Variants in SQLE observed in about 807,000 individuals in gnomAD.
The protein encoded by SQLE is squalene epoxidase.
Under a neutral mutation model 60.7 loss-of-function variants are expected in SQLE, and 29 were observed. The observed-to-expected ratio is 0.48, with a 90% confidence interval of 0.36 to 0.65. The LOEUF is 0.65. Ranked by LOEUF, SQLE falls within the 30% of genes least tolerant of loss-of-function variation. The pLI, the probability that SQLE is intolerant of heterozygous loss-of-function variation, is 0.00. For missense variants in SQLE, 605 were observed against 684.1 expected (o/e 0.88, Z 1.29); for synonymous variants, 237 against 246.8 (o/e 0.96, Z 0.37).
chr8:125,019,243 A>T (rs1281486896), intron 9 of SQLE: 1 of 153,906 alleles, frequency 6.5e-6, no homozygotes, highest in Non-Finnish European at 1.4e-5. Context: ...GGTCACGGTC[A>T]ATGTATATAT....
Position 125,008,979 on chromosome 8 carries a change from T to C in SQLE, c.831T>C (p.His277=). Residue 277 remains histidine, a synonymous_variant, in exon 5 of 11, where the codon CAT becomes CAC. Transcript: ENST00000265896. Reference sequence around the variant, plus strand: ...CTTCATTTCTGTTATAGGAACTCCATGCTCCACTGACTGTTGTTGCAGATG... The same window carrying C: ...CTTCATTTCTGTTATAGGAACTCCACGCTCCACTGACTGTTGTTGCAGATG... ...DKETGDIKEL[H]APLTVVADGL... 1 of 1,571,098 alleles carries C rather than the reference T, an allele frequency of 6.4e-7. No homozygotes were observed. Among genetic ancestry groups the C allele is most frequent in the Non-Finnish European group, 8.6e-7 (1 of 1,163,882 alleles).
In SQLE at chr8:125,016,249, T is replaced by C. The variant is rs1815110250; in HGVS notation, c.1205-1810T>C. On this transcript the variant is annotated intron_variant, in intron 7 of 10. Transcript: ENST00000265896. The surrounding 1 kb of genome is among the most constrained non-coding windows in gnomAD (Gnocchi z 4.1). ...AGGCCAAGAACTTAGATTTGCTCTT[T>C]TGAAATTATTTTCTAGATCTTGTAG... Among the ~76,000 whole-genome samples, 1 of 152,186 alleles carries C rather than the reference T, an allele frequency of 6.6e-6. No homozygotes were observed. Among genetic ancestry groups the C allele is most frequent in the Non-Finnish European group, 1.5e-5 (1 of 68,048 alleles).
chr8:125,010,540 A>G (rs1815022664), intron 6 of SQLE, among the ~76,000 whole-genome samples: 1 of 152,172 alleles, frequency 6.6e-6, no homozygotes, highest in African/African-American at 2.4e-5. Flanking sequence ...AACTAAGTGA[A>G]ACCACTTTAG....
rs1163188541 is a variant in SQLE at position 125,016,573 on chromosome 8, A to G, written c.1205-1486A>G. ...TATTTTGAATTCTCTGAAAGCTCAC[A>G]TCTCTGTTACTCTGGGATTGGTCAC... On this transcript the variant is annotated intron_variant, in intron 7 of 10. Transcript: ENST00000265896. This position sits in a 1 kb window ranked among gnomAD's most constrained non-coding sequence, Gnocchi z 4.1. 6.6e-6 allele frequency among the ~76,000 whole-genome samples: 1 copy of G among 152,132 alleles called. No homozygotes were observed. The highest frequency in any genetic ancestry group is 1.5e-5 in the Non-Finnish European group (1 of 68,024).
chr8:124,999,263 C>A lies in SQLE; in HGVS notation c.-141C>A. On this transcript the variant is annotated 5_prime_UTR_variant, in exon 1 of 11. Transcript: ENST00000265896. ...ATTTTTAAAAACTGGTCTGATCGGACTTCTCGTCCTGGGACACTGTTTACT... is the reference window on the plus strand; with the variant it reads ...ATTTTTAAAAACTGGTCTGATCGGAATTCTCGTCCTGGGACACTGTTTACT... 1 of 749,182 alleles carries A rather than the reference C, an allele frequency of 1.3e-6. No homozygotes were observed. Among genetic ancestry groups the A allele is most frequent in the Non-Finnish European group, 1.9e-6 (1 of 533,658 alleles). 46.4% of individuals were successfully genotyped at this position (749,182 alleles called of 1,614,324 possible).
At chr8:125,020,996 T>C (rs984589864) in intron 10 of SQLE, 125 bp downstream of exon 10, 6 of 673,910 alleles carry the variant, frequency 8.9e-6, no homozygotes, top group Non-Finnish European at 1.6e-5. Context: ...AGTATCCCAA[T>C]GAGAAGGTGG....
chr8:125,009,188 A>C lies in SQLE; in HGVS notation c.953A>C (p.Lys318Thr). The C allele has an allele frequency of 6.2e-7, 1 of 1,608,874 alleles. No individual in the cohort carries two copies. The highest frequency in any genetic ancestry group is 8.5e-7 in the Non-Finnish European group (1 of 1,178,216). The stretch of plus-strand genomic sequence containing the variant: ...TTGTTTTAGAATGCACCACAGTTTA[A>C]AGCAAATCATGCTGAACTTATTTTA... ...GFLMKNAPQF[K>T]ANHAELILAN... The change falls in exon 6 of 11, where the codon AAA (lysine) becomes ACA (threonine). Residue 318 changes from lysine (K) to threonine (T), a missense_variant. Coordinates refer to ENST00000265896, the MANE Select transcript of SQLE (RefSeq NM_003129.4).
At chr8:125,015,403 G>GT (rs1225046257) in intron 7 of SQLE, among the ~76,000 whole-genome samples, 3 of 152,132 alleles carry the variant, frequency 2.0e-5, no homozygotes, top group African/African-American at 4.8e-5. Context: ...GTTATTATTG[G>GT]TAAGTGCGTA....
chr8:125,015,804 C>T (rs925869555), intron 7 of SQLE, among the ~76,000 whole-genome samples: 3 of 152,128 alleles, frequency 2.0e-5, no homozygotes, highest in East Asian at 1.9e-4. Context: ...TGAAGTCCCT[C>T]GGCTTTTGTT....
intron 4 of SQLE, 56 bp downstream of exon 4, chr8:125,007,543 C>T: frequency 8.3e-7 from 1 of 1,209,142 alleles, no homozygotes; most frequent in South Asian, 1.5e-5. Flanking sequence ...CCTGCTTTTT[C>T]ACTTACCCCT....
intron 7 of SQLE, among the ~76,000 whole-genome samples, chr8:125,017,579 A>G (rs2129907533): frequency 6.6e-6 from 1 of 152,184 alleles, no homozygotes; most frequent in Admixed American, 6.5e-5. Flanking sequence ...ACCTAGAATC[A>G]GGGACCCCAG....
At position 124,999,105 on chromosome 8, in the gene SQLE, AAG is replaced by A. The variant is rs1814797961; in HGVS notation, c.-298_-297del. On this transcript the variant is annotated 5_prime_UTR_variant, in exon 1 of 11. Coordinates refer to ENST00000265896, the MANE Select transcript of SQLE (RefSeq NM_003129.4). The stretch of plus-strand genomic sequence containing the variant: ...AGGGAACACCATCAAAAAAGAAAAA[AAG>A]GGAATATCTGGATTTCCTGGGCGAG... The A allele has an allele frequency of 2.9e-6, 1 of 340,782 alleles. No homozygotes were observed. Among genetic ancestry groups the A allele is most frequent in the African/African-American group, 2.1e-5 (1 of 47,624 alleles). 21.1% of individuals were successfully genotyped at this position (340,782 alleles called of 1,614,324 possible). A position where few individuals can be genotyped will look rare whatever the true frequency, so the allele number is the denominator to read the frequency against.
At chr8:125,021,644 TA>T (rs961508369) in intron 10 of SQLE, 108 bp from the exon 11 acceptor site, 60 of 747,074 alleles carry the variant, frequency 8.0e-5, no homozygotes, top group South Asian at 1.2e-4. Flanking sequence ...GATGCTTGGG[TA>T]AAAAAAAGTA....
At position 125,016,384 on chromosome 8, in the gene SQLE, T is replaced by C. The variant is rs1372395308; in HGVS notation, c.1205-1675T>C. On this transcript the variant is annotated intron_variant, in intron 7 of 10. Transcript: ENST00000265896. This position sits in a 1 kb window ranked among gnomAD's most constrained non-coding sequence, Gnocchi z 4.1. Reference sequence around the variant, plus strand: ...TCTTCTGCTTGATCAGTTCTACTGTTGAGATTCTGCCATGTTCTTCAGTAA... The same window carrying C: ...TCTTCTGCTTGATCAGTTCTACTGTCGAGATTCTGCCATGTTCTTCAGTAA... Among the ~76,000 whole-genome samples the C allele has an allele frequency of 1.3e-5, 2 of 152,074 alleles. No homozygotes were observed. Among genetic ancestry groups the C allele is most frequent in the Non-Finnish European group, 2.9e-5 (2 of 68,010 alleles).
At chr8:125,001,578 T>C (rs1482648035) in intron 1 of SQLE, among the ~76,000 whole-genome samples, 1 of 151,468 alleles carries the variant, frequency 6.6e-6, no homozygotes, top group South Asian at 2.1e-4. Context: ...AATTTAAATA[T>C]AGTCAGTTCT....
At chr8:125,001,507 C>T (rs1326589235) in intron 1 of SQLE, among the ~76,000 whole-genome samples, 2 of 146,216 alleles carry the variant, frequency 1.4e-5, no homozygotes, top group Admixed American at 6.8e-5. Flanking sequence ...ACAGGAAAAA[C>T]TTATGAAGAA....
intron 2 of SQLE, among the ~76,000 whole-genome samples, chr8:125,003,977 G>A (rs1189394417): frequency 2.0e-5 from 3 of 152,036 alleles, no homozygotes; most frequent in Non-Finnish European, 2.9e-5. Context: ...TAATCCTATC[G>A]TGAGAGTCTA....
chr8:125,018,808 G>A lies in SQLE; in HGVS notation c.1444+81G>A, dbSNP rs1815152437. The A allele has an allele frequency of 1.3e-5, 12 of 952,646 alleles. No individual in the cohort carries two copies. In the South Asian group the frequency reaches 2.0e-4, roughly 16 times the overall value. The allele number at this position is 952,646 out of a possible 1,614,324, so 59.0% of individuals were successfully genotyped here. On this transcript the variant is annotated intron_variant, in intron 9 of 10. Coordinates refer to ENST00000265896, the MANE Select transcript of SQLE (RefSeq NM_003129.4). ...AAAGGAATAAACAAGTTAGTGATTT[G>A]TCCAGAAATAAAAATGTTACCTGAG...
intron 7 of SQLE, among the ~76,000 whole-genome samples, chr8:125,012,309 T>TACAGTG (rs1286871043): frequency 1.3e-5 from 2 of 152,224 alleles, no homozygotes; most frequent in African/African-American, 4.8e-5. Flanking sequence ...AAGTGTACAG[T>TACAGTG]ACAGTGACTT....
Sources: allele counts gnomAD v4.1 joint callset (sites outside exome capture counted in the v4.1 genomes callset), GRCh38; gene constraint gnomAD v4.1.1; non-coding constraint Gnocchi (gnomAD v3.1); transcripts MANE v1.5; gene names NCBI Gene and HGNC (gene_info 2026-07-23, HGNC 2026-07-21).